CELF4: variants seen among roughly 807,000 people sequenced by gnomAD.
CELF4 encodes CUG-BP- and ETR-3-like factor 4.
Under a neutral mutation model 59.9 loss-of-function variants are expected in CELF4, and 18 were observed. That is an observed-to-expected ratio of 0.30 (90% CI 0.21 to 0.45). The LOEUF is 0.45. CELF4 is among the 20% of genes least tolerant of loss of function. The pLI, the probability that CELF4 is intolerant of heterozygous loss-of-function variation, is 1.00. For missense variants in CELF4, 456 were observed against 689.0 expected (o/e 0.66, Z 3.79); for synonymous variants, 261 against 267.1 (o/e 0.98, Z 0.22).
At chr18:37,256,281 C>G (rs1053969990) in intron 11 of CELF4, among the ~76,000 whole-genome samples, 19 of 152,282 alleles carry the variant, frequency 1.2e-4, no homozygotes, top group Non-Finnish European at 1.8e-4. Flanking sequence ...CTAGACATGC[C>G]CTCATGAAGG....
At chr18:37,494,852 C>T (rs1215636025) in intron 1 of CELF4, among the ~76,000 whole-genome samples, 2 of 152,162 alleles carry the variant, frequency 1.3e-5, no homozygotes, top group South Asian at 2.1e-4. Flanking sequence ...TCCTCCCTCC[C>T]CACCCCCAAT....
At chr18:37,562,942 A>G (rs1238163813) in intron 1 of CELF4, among the ~76,000 whole-genome samples, 6 of 152,192 alleles carry the variant, frequency 3.9e-5, no homozygotes, top group Admixed American at 3.9e-4. Context: ...CGAGGAACCC[A>G]GTATGCCGGA....
Position 37,427,104 on chromosome 18 carries a change from C to T in CELF4, c.369+58421G>A, listed in dbSNP as rs115422515. On this transcript the variant is annotated intron_variant, in intron 2 of 12. Coordinates refer to ENST00000420428, the MANE Select transcript of CELF4 (RefSeq NM_020180.4). The stretch of plus-strand genomic sequence containing the variant: ...GGCAGCAGCATAGAGCGCAGTCTGG[C>T]GGGAGCCTGAGGAAGAAGGCCCTTG... 2.1e-3 allele frequency among the ~76,000 whole-genome samples: 324 copies of T among 151,698 alleles called. 3 individuals are homozygous for T. Among genetic ancestry groups the T allele is most frequent in the African/African-American group, 7.5e-3 (311 of 41,382 alleles).
intron 1 of CELF4, among the ~76,000 whole-genome samples, chr18:37,517,885 CCTG>C (rs1347013735): frequency 6.6e-6 from 1 of 152,182 alleles, no homozygotes; most frequent in African/African-American, 2.4e-5. Context: ...TGGCAGATCA[CCTG>C]TGTTCCAGAG....
At chr18:37,547,160 G>GGTGTGTGTGT (rs59169669) in intron 1 of CELF4, among the ~76,000 whole-genome samples, 4,584 of 144,182 alleles carry the variant, frequency 0.032, 81 homozygotes, top group Middle Eastern at 0.094. Flanking sequence ...GTGTGTGTGT[G>GGTGTGTGTGT]GTGTGTGTGT....
At chr18:37,420,679 G>A (rs1009410402) in intron 2 of CELF4, among the ~76,000 whole-genome samples, 3 of 152,174 alleles carry the variant, frequency 2.0e-5, no homozygotes, top group Non-Finnish European at 4.4e-5. Flanking sequence ...CAAGCATGGG[G>A]CCTGGAACCT....
rs191852302 is a variant in CELF4 at position 37,526,909 on chromosome 18, C to T, written c.286+38447G>A. On this transcript the variant is annotated intron_variant, in intron 1 of 12. Transcript: ENST00000420428. ...GATTTGCAAGGTATGGTCACCACAC[C>T]GATTCTCTGAGAGCTCTGAAACAAG... Among the ~76,000 whole-genome samples the T allele has an allele frequency of 1.8e-3, 270 of 152,138 alleles. 2 individuals are homozygous for T. Among genetic ancestry groups the T allele is most frequent in the Non-Finnish European group, 2.6e-3 (177 of 68,008 alleles).
chr18:37,504,274 T>C (rs915780757), intron 1 of CELF4, among the ~76,000 whole-genome samples: 1 of 152,050 alleles, frequency 6.6e-6, no homozygotes, highest in African/African-American at 2.4e-5. Flanking sequence ...GTGGATCTTC[T>C]GAGGTCAGGA....
At chr18:37,367,698 T>TC (rs1451875005) in intron 2 of CELF4, among the ~76,000 whole-genome samples, 2 of 151,524 alleles carry the variant, frequency 1.3e-5, no homozygotes, top group African/African-American at 4.8e-5. Flanking sequence ...TTTCTTTCTT[T>TC]TTTTTTTTTC....
At chr18:37,353,236 AT>A (rs1254030520) in intron 2 of CELF4, among the ~76,000 whole-genome samples, 9 of 130,342 alleles carry the variant, frequency 6.9e-5, no homozygotes, top group Non-Finnish European at 7.9e-5. Context: ...AAAAAAAAAT[AT>A]ATATATATAT....
At chr18:37,452,001 C>A (rs893618827) in intron 2 of CELF4, among the ~76,000 whole-genome samples, 1 of 152,180 alleles carries the variant, frequency 6.6e-6, no homozygotes, top group Non-Finnish European at 1.5e-5. Context: ...CTGCCCAGCA[C>A]CTGGGCAAGG....
At chr18:37,373,393 C>T (rs2098926949) in intron 2 of CELF4, among the ~76,000 whole-genome samples, 2 of 152,192 alleles carry the variant, frequency 1.3e-5, no homozygotes, top group Non-Finnish European at 2.9e-5. Context: ...CACAAACAGC[C>T]CATCCTGGCC....
At chr18:37,547,749 T>G (rs929727350) in intron 1 of CELF4, among the ~76,000 whole-genome samples, 9 of 152,198 alleles carry the variant, frequency 5.9e-5, no homozygotes, top group African/African-American at 2.2e-4. Flanking sequence ...ACCAGCTGCT[T>G]TTACTTCTTC....
At chr18:37,465,741 TG>T (rs1336570639) in intron 2 of CELF4, among the ~76,000 whole-genome samples, 1 of 152,034 alleles carries the variant, frequency 6.6e-6, no homozygotes, top group African/African-American at 2.4e-5. Context: ...ATGCAGTAAG[TG>T]TAATGGAAGG....
chr18:37,463,022 G>A (rs1038183640), intron 2 of CELF4, among the ~76,000 whole-genome samples: 11 of 152,158 alleles, frequency 7.2e-5, no homozygotes, highest in African/African-American at 2.4e-4. Context: ...GGGAACACAG[G>A]AGAAGACACA....
rs1270126585 is a variant in CELF4 at position 37,253,755 on chromosome 18, G to A, written c.*44+12C>T. On this transcript the variant is annotated intron_variant, in intron 12 of 12. Coordinates refer to ENST00000420428, the MANE Select transcript of CELF4 (RefSeq NM_020180.4). This position sits in a 1 kb window ranked among gnomAD's most constrained non-coding sequence, Gnocchi z 4.5. ...CAACCCCCGTCCCCGCGCCCCGGCC[G>A]CCCCCGGTTACCTGTGCGAGTCCTG... 2.0e-6 allele frequency: 3 copies of A among 1,522,058 alleles called. No homozygotes were observed. Among genetic ancestry groups the A allele is most frequent in the African/African-American group, 2.9e-5 (2 of 69,774 alleles). 94.3% of individuals were successfully genotyped at this position (1,522,058 alleles called of 1,614,324 possible). A position where few individuals can be genotyped will look rare whatever the true frequency, so the allele number is the denominator to read the frequency against.
intron 2 of CELF4, among the ~76,000 whole-genome samples, chr18:37,385,493 A>G (rs2099089743): frequency 6.6e-6 from 1 of 152,144 alleles, no homozygotes; most frequent in African/African-American, 2.4e-5. Context: ...TCCCCATCTT[A>G]GCTTGTCCAT....
chr18:37,463,893 G>T (rs2099800590), intron 2 of CELF4, among the ~76,000 whole-genome samples: 1 of 151,940 alleles, frequency 6.6e-6, no homozygotes, highest in South Asian at 2.1e-4. Flanking sequence ...CTACCTCCTG[G>T]CAGGGCCATC....
At position 37,253,841 on chromosome 18, in the gene CELF4, C is replaced by T; in HGVS notation, c.1431G>A (p.Lys477=). Residue 477 remains lysine, a synonymous_variant, in exon 12 of 13, where the codon AAG becomes AAA. Transcript: ENST00000420428. The surrounding 1 kb of genome is among the most constrained non-coding windows in gnomAD (Gnocchi z 4.5). ...ACGGGCGATTGGCGTCTTTGGGCCG[C>T]TTCAGCTGCACCTTGAGCCTCTTCA... The part of the protein sequence containing the change: ...IGMKRLKVQL[K]RPKDANRPY 6.2e-7 allele frequency: 1 copy of T among 1,607,870 alleles called. No homozygotes were observed.
Sources: allele counts gnomAD v4.1 joint callset (sites outside exome capture counted in the v4.1 genomes callset), GRCh38; gene constraint gnomAD v4.1.1; non-coding constraint Gnocchi (gnomAD v3.1); transcripts MANE v1.5; gene names NCBI Gene and HGNC (gene_info 2026-07-23, HGNC 2026-07-21).